DLG2: variants seen among roughly 807,000 people sequenced by gnomAD.
DLG2 encodes disks large homolog 2.
A neutral mutation model predicts 132.5 loss-of-function variants in DLG2; 45 were observed. The observed-to-expected ratio is 0.34, with a 90% confidence interval of 0.27 to 0.44. DLG2 has a LOEUF of 0.44. Ranked by LOEUF, DLG2 falls within the 20% of genes least tolerant of loss-of-function variation. The pLI is 1.00. For synonymous variants in DLG2, 424 were observed against 419.6 expected, an observed-to-expected ratio of 1.01 and a Z score of -0.13; for missense variants, 1,045 against 1,196.9, an observed-to-expected ratio of 0.87 and a Z score of 1.87.
chr11:84,281,551 A>G (rs908870994), intron 7 of DLG2, among the ~76,000 whole-genome samples: 1 of 151,104 alleles, frequency 6.6e-6, no homozygotes, highest in African/African-American at 2.4e-5. Flanking sequence ...TTAACTCATC[A>G]TTTAGCATTA....
At chr11:83,805,063 C>T (rs2045550651) in intron 17 of DLG2, among the ~76,000 whole-genome samples, 1 of 151,998 alleles carries the variant, frequency 6.6e-6, no homozygotes, top group Admixed American at 6.6e-5. Context: ...GTAATGAATG[C>T]TGTGTATTTC....
At chr11:84,561,005 T>C (rs1408206003) in intron 6 of DLG2, among the ~76,000 whole-genome samples, 2 of 152,060 alleles carry the variant, frequency 1.3e-5, no homozygotes, top group South Asian at 4.1e-4. Flanking sequence ...TCTCATGGTG[T>C]TTGGTCTGGT....
intron 6 of DLG2, among the ~76,000 whole-genome samples, chr11:84,624,542 T>C (rs960330095): frequency 1.3e-5 from 2 of 152,038 alleles, no homozygotes; most frequent in Non-Finnish European, 2.9e-5. Context: ...ACATTAAGCA[T>C]TTATTGCTCA....
chr11:84,383,172 C>G (rs2098754905), intron 7 of DLG2, among the ~76,000 whole-genome samples: 1 of 152,054 alleles, frequency 6.6e-6, no homozygotes, highest in Non-Finnish European at 1.5e-5. Context: ...CACTTGTCTA[C>G]ATTTCAGCAA....
chr11:85,014,298 G>T (rs1332485682), intron 6 of DLG2, among the ~76,000 whole-genome samples: 2 of 152,158 alleles, frequency 1.3e-5, no homozygotes, highest in African/African-American at 4.8e-5. Context: ...GATATGCAAA[G>T]TTCTTATCAC....
intron 3 of DLG2, among the ~76,000 whole-genome samples, chr11:85,431,918 A>G (rs530268461): frequency 2.0e-5 from 3 of 152,320 alleles, no homozygotes; most frequent in Non-Finnish European, 4.4e-5. Flanking sequence ...TCCTACTGGC[A>G]TCAGGTCGGT....
intron 17 of DLG2, chr11:83,791,355 G>A: frequency 3.0e-6 from 2 of 675,310 alleles, no homozygotes; most frequent in Non-Finnish European, 5.3e-6. Context: ...TATCCATCAA[G>A]CTTTTGCTTT....
intron 19 of DLG2, among the ~76,000 whole-genome samples, chr11:83,609,523 T>A (rs985800823): frequency 6.6e-6 from 1 of 152,154 alleles, no homozygotes; most frequent in Non-Finnish European, 1.5e-5. Flanking sequence ...AGTAGGAGAA[T>A]CTGATTTTAC....
intron 18 of DLG2, among the ~76,000 whole-genome samples, chr11:83,679,996 T>C (rs1488500770): frequency 1.3e-5 from 2 of 152,200 alleles, no homozygotes; most frequent in African/African-American, 4.8e-5. Context: ...CATTTGCCTC[T>C]TTCGCTTTTA....
chr11:84,898,186 T>C (rs1431721628), intron 6 of DLG2, among the ~76,000 whole-genome samples: 1 of 151,980 alleles, frequency 6.6e-6, no homozygotes, highest in Non-Finnish European at 1.5e-5. Flanking sequence ...TAAGCTAAGT[T>C]TGTATTAGTT....
At chr11:85,403,334 C>A (rs796459804) in intron 3 of DLG2, among the ~76,000 whole-genome samples, 2 of 151,826 alleles carry the variant, frequency 1.3e-5, no homozygotes, top group Admixed American at 6.6e-5. Flanking sequence ...AACATTGGGG[C>A]CTGTCAGTTG....
At chr11:83,696,333 G>A (rs2081935902) in intron 18 of DLG2, among the ~76,000 whole-genome samples, 1 of 152,162 alleles carries the variant, frequency 6.6e-6, no homozygotes, top group Admixed American at 6.5e-5. Flanking sequence ...CCTTAGATAA[G>A]CTCTTCCTTT....
chr11:84,639,118 T>G (rs1336429331), intron 6 of DLG2, among the ~76,000 whole-genome samples: 1 of 152,218 alleles, frequency 6.6e-6, no homozygotes, highest in Non-Finnish European at 1.5e-5. Context: ...TTCCTTCTCA[T>G]TTATTTAAGT....
chr11:85,032,604 G>C (rs1352538427), intron 6 of DLG2, among the ~76,000 whole-genome samples: 1 of 152,104 alleles, frequency 6.6e-6, no homozygotes, highest in Non-Finnish European at 1.5e-5. Flanking sequence ...TTTTACAAAG[G>C]CATGAAATTC....
intron 8 of DLG2, among the ~76,000 whole-genome samples, chr11:84,193,829 GGA>G (rs778339265): frequency 7.9e-5 from 12 of 152,142 alleles, no homozygotes; most frequent in Non-Finnish European, 1.2e-4. Flanking sequence ...TACAACTTTT[GGA>G]TTTTTTATGA....
At chr11:85,579,429 C>A (rs1459862358) in intron 3 of DLG2, among the ~76,000 whole-genome samples, 8 of 151,792 alleles carry the variant, frequency 5.3e-5, no homozygotes, top group Admixed American at 5.3e-4. Flanking sequence ...GAGGACTTAG[C>A]CTAAGGTGCT....
chr11:85,104,597 G>C (rs561508398), intron 6 of DLG2, among the ~76,000 whole-genome samples: 2 of 151,880 alleles, frequency 1.3e-5, no homozygotes, highest in African/African-American at 4.8e-5. Flanking sequence ...TTCTTTTAGG[G>C]TCATAAAAAT....
At chr11:85,290,031 C>G (rs538910151) in intron 3 of DLG2, among the ~76,000 whole-genome samples, 21 of 152,260 alleles carry the variant, frequency 1.4e-4, no homozygotes, top group African/African-American at 4.8e-4. Flanking sequence ...CATATATTCT[C>G]TAGTATCTAG....
At chr11:84,130,835 T>C (rs2094392712) in intron 9 of DLG2, among the ~76,000 whole-genome samples, 1 of 151,760 alleles carries the variant, frequency 6.6e-6, no homozygotes, top group Non-Finnish European at 1.5e-5. Context: ...TTCAGTTTGC[T>C]TTTAGAGAAG....
Sources: gnomAD v4.1 joint callset for allele counts (sites outside exome capture counted in the v4.1 genomes callset) on GRCh38, gnomAD v4.1.1 for gene constraint, MANE v1.5 for transcripts, NCBI Gene and HGNC (gene_info 2026-07-23, HGNC 2026-07-21) for gene names.